Variants in PRDM5 observed in about 807,000 individuals in gnomAD.
PRDM5 encodes PR/SET domain 5, also known as PR domain zinc finger protein 5.
A neutral mutation model predicts 81.2 loss-of-function variants in PRDM5; 56 were observed. That is an observed-to-expected ratio of 0.69 (90% CI 0.56 to 0.86). The LOEUF (loss-of-function observed/expected upper bound fraction) is 0.86, where lower values mean the gene tolerates loss of function less well. Among genes scored for constraint, PRDM5 ranks in the 40% least tolerant of loss-of-function variants. The pLI is 0.00. For synonymous variants in PRDM5, 267 were observed against 256.4 expected (o/e 1.04, Z -0.39); for missense variants, 697 against 770.1 (o/e 0.91, Z 1.12).
chr4:120,921,190 C>A (rs1024267649), intron 1 of PRDM5, among the ~76,000 whole-genome samples: 1 of 152,154 alleles, frequency 6.6e-6, no homozygotes, highest in African/African-American at 2.4e-5. Context: ...TTTTTCACAT[C>A]TTTTAAGAAT....
intron 10 of PRDM5, among the ~76,000 whole-genome samples, chr4:120,785,780 T>C (rs1749692843): frequency 6.6e-6 from 1 of 152,094 alleles, no homozygotes; most frequent in African/African-American, 2.4e-5. Context: ...TTGCGGTAAC[T>C]TGGGAAGGTC....
chr4:120,701,686 G>A (rs1184300202), intron 15 of PRDM5, among the ~76,000 whole-genome samples: 1 of 152,052 alleles, frequency 6.6e-6, no homozygotes, highest in African/African-American at 2.4e-5. Context: ...AGGAGGGGAG[G>A]AGATAAGGGT....
intron 14 of PRDM5, among the ~76,000 whole-genome samples, chr4:120,734,255 G>GT (rs749803235): frequency 0.038 from 5,423 of 144,130 alleles, 127 homozygotes; most frequent in African/African-American, 0.063. Flanking sequence ...TTGTTTGTTT[G>GT]TTTTTTTTTT....
At chr4:120,691,765 G>C (rs1016204413), downstream of PRDM5, 2 of 151,976 alleles carry the variant, frequency 1.3e-5, no homozygotes, top group African/African-American at 4.8e-5. Flanking sequence ...AGAAACACTT[G>C]GATGTATAAA....
chr4:120,851,460 T>C (rs1367223849), intron 3 of PRDM5, among the ~76,000 whole-genome samples: 1 of 151,310 alleles, frequency 6.6e-6, no homozygotes, highest in Non-Finnish European at 1.5e-5. Context: ...TGTCTACATG[T>C]TGAAAAAGAA....
intron 13 of PRDM5, among the ~76,000 whole-genome samples, chr4:120,774,411 G>A (rs996278171): frequency 3.9e-5 from 6 of 152,208 alleles, no homozygotes; most frequent in African/African-American, 1.2e-4. Context: ...GTAACACAGG[G>A]AGAAGAAAAC....
At chr4:120,795,554 G>T (rs1472573068) in intron 10 of PRDM5, among the ~76,000 whole-genome samples, 2 of 149,428 alleles carry the variant, frequency 1.3e-5, no homozygotes, top group Non-Finnish European at 3.0e-5. Flanking sequence ...CATATAACTG[G>T]CAAGATGATG....
Position 120,811,461 on chromosome 4 carries a change from A to G in PRDM5, c.866-12T>C. ...TTTCTTAGGATCTCCTAAAATAGAA[A>G]TAAAATACCATGATGATTTAAATGA... is the stretch of plus-strand genomic sequence containing the variant. On this transcript the variant is annotated splice_polypyrimidine_tract_variant and intron_variant, in intron 7 of 15. Coordinates refer to ENST00000264808, the MANE Select transcript of PRDM5 (RefSeq NM_018699.4). 1 of 1,484,074 alleles carries G rather than the reference A, an allele frequency of 6.7e-7. No homozygotes were observed. The highest frequency in any genetic ancestry group is 9.4e-7 in the Non-Finnish European group (1 of 1,064,882). The allele number at this position is 1,484,074 out of a possible 1,614,324, so 91.9% of individuals were successfully genotyped here.
intron 2 of PRDM5, among the ~76,000 whole-genome samples, chr4:120,854,529 A>C (rs1759650767): frequency 6.6e-6 from 1 of 152,202 alleles, no homozygotes; most frequent in African/African-American, 2.4e-5. Flanking sequence ...CAATCAGTCC[A>C]ATAAGGTATG....
chr4:120,813,108 T>C (rs1000147498), intron 7 of PRDM5: 2 of 152,982 alleles, frequency 1.3e-5, no homozygotes, highest in African/African-American at 4.8e-5. Flanking sequence ...ATTCATACTA[T>C]TACTCAAAGC....
chr4:120,892,683 T>A (rs1206699545), intron 2 of PRDM5, among the ~76,000 whole-genome samples: 1 of 149,616 alleles, frequency 6.7e-6, no homozygotes, highest in Non-Finnish European at 1.5e-5. Flanking sequence ...CATCTGGCTA[T>A]GAGAGGTGGA....
intron 2 of PRDM5, among the ~76,000 whole-genome samples, chr4:120,871,617 C>T (rs1399041114): frequency 6.6e-6 from 1 of 152,146 alleles, no homozygotes; most frequent in South Asian, 2.1e-4. Flanking sequence ...AATATTAAGT[C>T]TAGTATCCTC....
At chr4:120,707,977 C>T (rs1736441523) in intron 15 of PRDM5, among the ~76,000 whole-genome samples, 3 of 151,758 alleles carry the variant, frequency 2.0e-5, no homozygotes, top group African/African-American at 7.3e-5. Context: ...TCACACCCAC[C>T]AAGATGGATA....
chr4:120,913,339 G>C (rs1766733424), intron 1 of PRDM5, among the ~76,000 whole-genome samples: 1 of 152,216 alleles, frequency 6.6e-6, no homozygotes, highest in Non-Finnish European at 1.5e-5. Flanking sequence ...GACATTTTGA[G>C]CCACTGAACT....
intron 2 of PRDM5, among the ~76,000 whole-genome samples, chr4:120,887,033 C>T (rs1763516380): frequency 6.6e-6 from 1 of 151,896 alleles, no homozygotes; most frequent in South Asian, 2.1e-4. Flanking sequence ...GCAACCTCCA[C>T]TTCCTGGGTT....
intron 14 of PRDM5, among the ~76,000 whole-genome samples, chr4:120,733,522 G>T (rs767643836): frequency 6.6e-6 from 1 of 152,120 alleles, no homozygotes; most frequent in Non-Finnish European, 1.5e-5. Flanking sequence ...TTCCTCAGTG[G>T]ACCCTACCTG....
chr4:120,821,340 TC>T lies in PRDM5; in HGVS notation c.305del (p.Gly102GlufsTer12), dbSNP rs745722043. On this transcript the variant is annotated frameshift_variant, in exon 4 of 16. Transcript: ENST00000264808. LOFTEE classifies it high-confidence loss of function. ...EQKNLAAIQE[G>X]ENIFYLAVED... is the part of the protein sequence containing the mutation. Reference sequence around the variant, plus strand: ...CAACTGCCAAATAGAAAATGTTTTCTCCTTCCTGAAACAAATTTTTTTAAAT... The same window carrying T: ...CAACTGCCAAATAGAAAATGTTTTCTCTTCCTGAAACAAATTTTTTTAAAT... 1 of 1,613,820 alleles carries T rather than the reference TC, an allele frequency of 6.2e-7. No homozygotes were observed. Among genetic ancestry groups the T allele is most frequent in the East Asian group, 2.2e-5 (1 of 44,876 alleles).
intron 13 of PRDM5, among the ~76,000 whole-genome samples, chr4:120,771,097 T>C (rs1747221751): frequency 1.3e-5 from 2 of 152,144 alleles, no homozygotes; most frequent in Admixed American, 6.5e-5. Flanking sequence ...AATTTATGGA[T>C]ATACCATGAA....
At chr4:120,778,365 A>G (rs1031577790) in intron 12 of PRDM5, among the ~76,000 whole-genome samples, 1 of 152,096 alleles carries the variant, frequency 6.6e-6, no homozygotes, top group South Asian at 2.1e-4. Context: ...TTTTTAAATG[A>G]CATTTCTCAG....
Sources: gnomAD v4.1 joint callset for allele counts (sites outside exome capture counted in the v4.1 genomes callset) on GRCh38, gnomAD v4.1.1 for gene constraint, MANE v1.5 for transcripts, NCBI Gene and HGNC (gene_info 2026-07-23, HGNC 2026-07-21) for gene names.